Variants in TMEM120B observed in about 807,000 individuals in gnomAD.
TMEM120B encodes transmembrane protein 120B.
Under a neutral mutation model 55.5 loss-of-function variants are expected in TMEM120B, and 31 were observed. That is an observed-to-expected ratio of 0.56 (90% confidence interval 0.42 to 0.75). The LOEUF (loss-of-function observed/expected upper bound fraction) is 0.75, where lower values mean the gene tolerates loss of function less well. Ranked by LOEUF, TMEM120B falls within the 30% of genes least tolerant of loss-of-function variation. TMEM120B has a pLI of 0.00. For synonymous variants in TMEM120B, 203 were observed against 176.3 expected, an observed-to-expected ratio of 1.15 and a Z score of -1.20; for missense variants, 399 against 425.5, an observed-to-expected ratio of 0.94 and a Z score of 0.55.
At chr12:121,766,713 G>C (rs560295748) in intron 6 of TMEM120B, among the ~76,000 whole-genome samples, 1 of 152,332 alleles carries the variant, frequency 6.6e-6, no homozygotes, top group East Asian at 1.9e-4. Context: ...GAGTGTGGGG[G>C]TGAGGTGGTT....
At position 121,773,459 on chromosome 12, in the gene TMEM120B, T is replaced by A; in HGVS notation, c.718T>A (p.Cys240Ser). 1.2e-6 allele frequency: 2 copies of A among 1,610,548 alleles called. No homozygotes were observed. The highest frequency in any genetic ancestry group is 8.5e-7 in the Non-Finnish European group (1 of 1,178,106). The change falls in exon 9 of 12, where the codon TGC (cysteine) becomes AGC (serine). Residue 240 changes from cysteine to serine, a missense_variant. Cys to Ser is a moderately radical substitution (Grantham distance 112). Around this residue, in one of 3 missense-constraint regions of TMEM120B, gnomAD observed 260 missense variants for 303.9 expected, o/e 0.86. Coordinates refer to ENST00000449592, the MANE Select transcript of TMEM120B (RefSeq NM_001080825.2). ...QFLQYYYQRGCLYRLRALGER... is the reference protein window; with the variant it reads ...QFLQYYYQRGSLYRLRALGER... ...CCTGCAATATTATTACCAGAGGGGC[T>A]GCCTCTACCGGCTGCGGGCCCTGGG... is the stretch of plus-strand genomic sequence containing the variant.
chr12:121,736,463 C>T lies in TMEM120B; in HGVS notation c.70-7166C>T, dbSNP rs111944803. The stretch of plus-strand genomic sequence containing the variant: ...GATTACAGGCGTGAGCCACCGTGCC[C>T]GGCCGGTCTCGAACTCTTGACCTCA... On this transcript the variant is annotated intron_variant, in intron 1 of 11. Coordinates refer to ENST00000449592, the MANE Select transcript of TMEM120B (RefSeq NM_001080825.2). Among the ~76,000 whole-genome samples, 683 of 151,196 alleles carry T rather than the reference C, an allele frequency of 4.5e-3. 6 individuals carry two copies. Among genetic ancestry groups the T allele is most frequent in the African/African-American group, 0.016 (638 of 40,780 alleles).
intron 6 of TMEM120B, among the ~76,000 whole-genome samples, chr12:121,765,159 G>A (rs1197196731): frequency 2.2e-5 from 3 of 135,610 alleles, no homozygotes; most frequent in African/African-American, 8.7e-5. Context: ...AGACAGAGTC[G>A]TGCTCTGTCA....
Position 121,761,227 on chromosome 12 carries a change from T to G in TMEM120B, c.462-422T>G, listed in dbSNP as rs535218256. 3.9e-5 allele frequency among the ~76,000 whole-genome samples: 6 copies of G among 152,232 alleles called. No homozygotes were observed. In the South Asian group the frequency reaches 8.3e-4, roughly 21 times the overall value. On this transcript the variant is annotated intron_variant, in intron 5 of 11. Coordinates refer to ENST00000449592, the MANE Select transcript of TMEM120B (RefSeq NM_001080825.2). ...CTCCTGGCCTCAAGTGATCCATCTG[T>G]CTCAGCCTCCCCAAGTGCTGGGATT...
intron 1 of TMEM120B, among the ~76,000 whole-genome samples, chr12:121,742,659 C>G (rs1872966336): frequency 6.6e-6 from 1 of 151,700 alleles, no homozygotes; most frequent in African/African-American, 2.4e-5. Context: ...GGTCTTAGTT[C>G]ACTGCAACCT....
At position 121,743,615 on chromosome 12, in the gene TMEM120B, C is replaced by A; in HGVS notation, c.70-14C>A. ...TTCTCCCACACACCCTCCCCCGGGT[C>A]CCCTGTTCTTCAGGAGACGCACAGG... On this transcript the variant is annotated splice_polypyrimidine_tract_variant and intron_variant, in intron 1 of 11. Coordinates refer to ENST00000449592, the MANE Select transcript of TMEM120B (RefSeq NM_001080825.2). 3.7e-6 allele frequency: 6 copies of A among 1,604,322 alleles called. No homozygotes were observed. Among genetic ancestry groups the A allele is most frequent in the Non-Finnish European group, 5.1e-6 (6 of 1,172,160 alleles).
At chr12:121,720,743 A>C (rs1342269220) in intron 1 of TMEM120B, among the ~76,000 whole-genome samples, 1 of 152,068 alleles carries the variant, frequency 6.6e-6, no homozygotes, top group Non-Finnish European at 1.5e-5. Flanking sequence ...ATCTCTTGAA[A>C]GTTTACCACC....
At chr12:121,762,940 G>A (rs1873726973) in intron 6 of TMEM120B, among the ~76,000 whole-genome samples, 1 of 152,104 alleles carries the variant, frequency 6.6e-6, no homozygotes, top group African/African-American at 2.4e-5. Context: ...CAGTGGTGCT[G>A]AGTGAGTCCA....
At chr12:121,774,939 G>A (rs745911420) in intron 10 of TMEM120B, 123 bp from the exon 11 acceptor site, 44 of 1,167,720 alleles carry the variant, frequency 3.8e-5, no homozygotes, top group Non-Finnish European at 5.1e-5. Context: ...TTTTGGGGGT[G>A]TCTGTCAGTG....
At chr12:121,734,863 A>G (rs1895075027) in intron 1 of TMEM120B, among the ~76,000 whole-genome samples, 1 of 151,774 alleles carries the variant, frequency 6.6e-6, no homozygotes, top group South Asian at 2.1e-4. Context: ...CAGCGAGCTG[A>G]GATAGTGCCA....
Position 121,752,166 on chromosome 12 carries a change from A to G in TMEM120B, c.404A>G (p.Tyr135Cys), listed in dbSNP as rs1204216735. Reference protein sequence around the residue: ...YKDEYEKFKLYLTIILLLGAV... With the variant: ...YKDEYEKFKLCLTIILLLGAV... ...GACGAATATGAGAAGTTCAAGCTCT[A>G]CCTGACCATCATCCTGCTCCTGGGT... is the stretch of plus-strand genomic sequence containing the variant. Residue 135 changes from tyrosine (Y) to cysteine (C), a missense_variant, in exon 5 of 12, where the codon TAC (tyrosine) becomes TGC (cysteine). Physicochemically the swap from Tyr to Cys is radical, Grantham distance 194. Around this residue, in one of 3 missense-constraint regions of TMEM120B, gnomAD observed 260 missense variants for 303.9 expected, o/e 0.86. Coordinates refer to ENST00000449592, the MANE Select transcript of TMEM120B (RefSeq NM_001080825.2). 2 of 1,613,544 alleles carry G rather than the reference A, an allele frequency of 1.2e-6. No individual in the cohort carries two copies. The highest frequency in any genetic ancestry group is 1.3e-5 in the African/African-American group (1 of 74,894).
chr12:121,763,727 G>A (rs765368363), intron 6 of TMEM120B, among the ~76,000 whole-genome samples: 4 of 152,166 alleles, frequency 2.6e-5, no homozygotes, highest in Non-Finnish European at 5.9e-5. Context: ...ACAGGTGTGA[G>A]CCACCGCGCC....
chr12:121,778,730 A>AGG lies in TMEM120B; in HGVS notation c.*3008_*3009insGG. 1 of 152,154 alleles carries AGG rather than the reference A, an allele frequency of 6.6e-6. No individual in the cohort carries two copies. Among genetic ancestry groups the AGG allele is most frequent in the Non-Finnish European group, 1.5e-5 (1 of 68,016 alleles). The allele number at this position is 152,154 out of a possible 1,614,324, so 9.4% of individuals were successfully genotyped here. Reference sequence around the variant, plus strand: ...AGTCCTGTCCTACCACAGTGGGGGGAACAGTCCACAGAAAACTTGCTCATG... The same window carrying AGG: ...AGTCCTGTCCTACCACAGTGGGGGGAGGACAGTCCACAGAAAACTTGCTCATG... On this transcript the variant is annotated 3_prime_UTR_variant, in exon 12 of 12. Coordinates refer to ENST00000449592, the MANE Select transcript of TMEM120B (RefSeq NM_001080825.2).
At position 121,720,311 on chromosome 12, in the gene TMEM120B, G is replaced by A. The variant is rs375002941; in HGVS notation, c.69+7347G>A. Among the ~76,000 whole-genome samples the A allele has an allele frequency of 1.1e-4, 16 of 152,296 alleles. No individual in the cohort carries two copies. In the East Asian group the frequency reaches 1.7e-3, roughly 17 times the overall value. On this transcript the variant is annotated intron_variant, in intron 1 of 11. Transcript: ENST00000449592. ...TCTGTCCCGCACAGGACGCATACAC[G>A]TTAGGCGAAGTCATCCTTGGTGGTG...
intron 6 of TMEM120B, among the ~76,000 whole-genome samples, chr12:121,765,621 GT>G (rs1873822581): frequency 6.6e-6 from 1 of 152,174 alleles, no homozygotes; most frequent in Non-Finnish European, 1.5e-5. Context: ...TAGTCTAAAA[GT>G]ATTTGTGTTT....
At chr12:121,738,079 C>G (rs1247803296) in intron 1 of TMEM120B, among the ~76,000 whole-genome samples, 1 of 149,340 alleles carries the variant, frequency 6.7e-6, no homozygotes, top group Non-Finnish European at 1.5e-5. Context: ...TACTAAAAAT[C>G]TACTCTACTA....
At chr12:121,756,942 C>T (rs1014335741) in intron 5 of TMEM120B, among the ~76,000 whole-genome samples, 6 of 152,162 alleles carry the variant, frequency 3.9e-5, no homozygotes, top group African/African-American at 1.4e-4. Context: ...ACATGCACCT[C>T]CCGTGCAGGG....
intron 1 of TMEM120B, among the ~76,000 whole-genome samples, chr12:121,721,178 CT>C (rs904237070): frequency 3.3e-5 from 5 of 152,152 alleles, no homozygotes; most frequent in African/African-American, 9.6e-5. Flanking sequence ...AGCAGTTCTC[CT>C]TTTTGTTGTT....
rs113689907 is a variant in TMEM120B, at chr12:121,772,519, T to A, written c.680-902T>A. ...GTTGTGATCTCGGCTCACTGCAACC[T>A]CCACCTCCCGGTTCAAGCGATTCTC... On this transcript the variant is annotated intron_variant, in intron 8 of 11. Coordinates refer to ENST00000449592, the MANE Select transcript of TMEM120B (RefSeq NM_001080825.2). Among the ~76,000 whole-genome samples, 721 of 150,436 alleles carry A rather than the reference T, an allele frequency of 4.8e-3. 10 individuals carry two copies. Among genetic ancestry groups the A allele is most frequent in the African/African-American group, 0.017 (692 of 40,842 alleles).
Sources: allele counts gnomAD v4.1 joint callset (sites outside exome capture counted in the v4.1 genomes callset), GRCh38; gene constraint gnomAD v4.1.1; regional missense constraint gnomAD v4.1.1; transcripts MANE v1.5; gene names NCBI Gene and HGNC (gene_info 2026-07-23, HGNC 2026-07-21).